Variants in PIGK observed in about 807,000 individuals in gnomAD.
The protein encoded by PIGK is GPI-anchor transamidase.
In PIGK, 42 loss-of-function variants were observed where a neutral mutation model predicts 50.6. The observed-to-expected ratio is 0.83, with a 90% CI of 0.65 to 1.07. The LOEUF is 1.07. Ranked by LOEUF, PIGK falls within the 50% of genes least tolerant of loss-of-function variation. The pLI is 0.00. For synonymous variants in PIGK, 151 were observed against 156.0 expected, an observed-to-expected ratio of 0.97 and a Z score of 0.24; for missense variants, 448 against 488.7, an observed-to-expected ratio of 0.92 and a Z score of 0.78.
intron 3 of PIGK, among the ~76,000 whole-genome samples, chr1:77,181,562 T>G (rs959172907): frequency 1.3e-5 from 2 of 152,220 alleles, no homozygotes; most frequent in African/African-American, 4.8e-5. Flanking sequence ...GAGCATTGTT[T>G]AGCTACTAGA....
intron 9 of PIGK, among the ~76,000 whole-genome samples, chr1:77,137,323 A>G (rs1654542556): frequency 6.6e-6 from 1 of 152,246 alleles, no homozygotes; most frequent in South Asian, 2.1e-4. Context: ...GGTTGAGCCC[A>G]TCCTACATTG....
intron 1 of PIGK, 55 bp from the exon 2 acceptor site, chr1:77,210,544 T>G: frequency 2.8e-6 from 3 of 1,089,638 alleles, no homozygotes; most frequent in Non-Finnish European, 4.1e-6. Context: ...GAATAAAGAC[T>G]GATAATGGAC....
chr1:77,201,988 G>A (rs1656179436), intron 3 of PIGK, among the ~76,000 whole-genome samples: 1 of 151,718 alleles, frequency 6.6e-6, no homozygotes, highest in Non-Finnish European at 1.5e-5. Flanking sequence ...AGCCCAGGAG[G>A]TTGAGGCTGC....
At chr1:77,148,959 C>T (rs1400543739) in intron 9 of PIGK, among the ~76,000 whole-genome samples, 1 of 151,426 alleles carries the variant, frequency 6.6e-6, no homozygotes, top group African/African-American at 2.4e-5. Context: ...TAGTGATCTG[C>T]CCACCTTGGC....
rs190860033 is a variant in PIGK, at chr1:77,181,784, C to A, written c.240-12389G>T. Among the ~76,000 whole-genome samples the A allele has an allele frequency of 1.5e-4, 23 of 152,262 alleles. 1 individual carries two copies. The highest frequency in any genetic ancestry group is 3.1e-4 in the Non-Finnish European group (21 of 68,012). Reference sequence around the variant, plus strand: ...TGGTTCTACAGCAATGTAATTAGGTCAAGCAAATTCAACAAGTCAAGCTAA... The same window carrying A: ...TGGTTCTACAGCAATGTAATTAGGTAAAGCAAATTCAACAAGTCAAGCTAA... On this transcript the variant is annotated intron_variant, in intron 3 of 10. Coordinates refer to ENST00000370812, the MANE Select transcript of PIGK (RefSeq NM_005482.3).
At chr1:77,196,609 T>A (rs901589306) in intron 3 of PIGK, among the ~76,000 whole-genome samples, 2 of 152,236 alleles carry the variant, frequency 1.3e-5, no homozygotes, top group Non-Finnish European at 2.9e-5. Flanking sequence ...GCCGTTTGTA[T>A]GTCTTCTTTT....
At chr1:77,146,774 G>A (rs1343833671) in intron 9 of PIGK, among the ~76,000 whole-genome samples, 1 of 151,832 alleles carries the variant, frequency 6.6e-6, no homozygotes, top group Non-Finnish European at 1.5e-5. Flanking sequence ...TCCAGCCTGG[G>A]CGACACAGCG....
At chr1:77,132,428 A>C (rs929999076) in intron 9 of PIGK, among the ~76,000 whole-genome samples, 12 of 151,968 alleles carry the variant, frequency 7.9e-5, no homozygotes, top group African/African-American at 2.7e-4. Flanking sequence ...AGAACACCCA[A>C]CTTGGACCTG....
chr1:77,180,355 C>T (rs1185656494), intron 3 of PIGK, among the ~76,000 whole-genome samples: 1 of 151,016 alleles, frequency 6.6e-6, no homozygotes, highest in African/African-American at 2.5e-5. Flanking sequence ...ATAGATTCCA[C>T]ATTTTCAAAA....
chr1:77,204,388 T>C (rs1224513004), intron 3 of PIGK, among the ~76,000 whole-genome samples: 1 of 152,150 alleles, frequency 6.6e-6, no homozygotes, highest in East Asian at 1.9e-4. Context: ...TCAATGATAA[T>C]GCGTGCCCAG....
chr1:77,192,925 G>A (rs1424264187), intron 3 of PIGK, among the ~76,000 whole-genome samples: 2 of 151,982 alleles, frequency 1.3e-5, no homozygotes, highest in African/African-American at 4.8e-5. Context: ...ATTAATATAG[G>A]TTTTACTTTC....
intron 10 of PIGK, among the ~76,000 whole-genome samples, chr1:77,118,308 G>A (rs1654023337): frequency 6.6e-6 from 1 of 151,598 alleles, no homozygotes; most frequent in East Asian, 1.9e-4. Context: ...CGTGATCGCA[G>A]CTCACTGTAA....
At chr1:77,128,636 G>A (rs1301053214) in intron 9 of PIGK, among the ~76,000 whole-genome samples, 1 of 152,130 alleles carries the variant, frequency 6.6e-6, no homozygotes, top group Non-Finnish European at 1.5e-5. Flanking sequence ...GAGTTCTGGG[G>A]GATGTCAGAG....
At chr1:77,142,789 T>C (rs893092081) in intron 9 of PIGK, among the ~76,000 whole-genome samples, 2 of 151,978 alleles carry the variant, frequency 1.3e-5, no homozygotes, top group African/African-American at 4.8e-5. Context: ...CCTTCCTCCT[T>C]CTCTCCACAC....
chr1:77,109,104 G>A (rs985855633), intron 10 of PIGK, among the ~76,000 whole-genome samples: 1 of 152,156 alleles, frequency 6.6e-6, no homozygotes, highest in Admixed American at 6.5e-5. Context: ...CTCTGAAATT[G>A]AGGCAATAAC....
intron 9 of PIGK, among the ~76,000 whole-genome samples, chr1:77,148,949 T>C (rs1654832203): frequency 6.6e-6 from 1 of 151,476 alleles, no homozygotes; most frequent in Non-Finnish European, 1.5e-5. Flanking sequence ...TCTCCTGACC[T>C]AGTGATCTGC....
intron 6 of PIGK, among the ~76,000 whole-genome samples, chr1:77,162,239 G>A (rs1203425696): frequency 6.6e-6 from 1 of 152,086 alleles, no homozygotes; most frequent in African/African-American, 2.4e-5. Flanking sequence ...CAAAATCAAA[G>A]TGTTGAATGA....
chr1:77,204,654 T>C (rs889309957), intron 3 of PIGK, among the ~76,000 whole-genome samples: 3 of 152,152 alleles, frequency 2.0e-5, no homozygotes, highest in Admixed American at 6.6e-5. Flanking sequence ...CCTTTTGTAC[T>C]CTTTCCCTTT....
At chr1:77,174,481 C>T (rs1098125) in intron 3 of PIGK, among the ~76,000 whole-genome samples, 23,977 of 152,078 alleles carry the variant, frequency 0.16, 3,024 homozygotes, top group African/African-American at 0.35. Context: ...CTGATGTTTC[C>T]GACTTTGGGG....
Sources: gnomAD v4.1 joint callset for allele counts (sites outside exome capture counted in the v4.1 genomes callset) on GRCh38, gnomAD v4.1.1 for gene constraint, MANE v1.5 for transcripts, NCBI Gene and HGNC (gene_info 2026-07-23, HGNC 2026-07-21) for gene names.